The following MED23 variants were observed in gnomAD, a reference collection of about 807,000 sequenced individuals.
MED23 encodes the protein mediator complex subunit 23, also known as mediator of RNA polymerase II transcription subunit 23.
In MED23, 105 loss-of-function variants were observed where a neutral mutation model predicts 163.9. The ratio of observed to expected loss-of-function variants is 0.64; its 90% confidence interval spans 0.55 to 0.75. The LOEUF (loss-of-function observed/expected upper bound fraction) is 0.75. Among genes scored for constraint, MED23 ranks in the 30% least tolerant of loss-of-function variants. The probability of loss-of-function intolerance (pLI) is 0.00; values close to 1 mark genes in which losing one functional copy is unlikely to be tolerated. For missense variants in MED23, 1,054 were observed against 1,649.0 expected, an observed-to-expected ratio of 0.64 and a Z score of 6.25; for synonymous variants, 561 against 565.6, an observed-to-expected ratio of 0.99 and a Z score of 0.12.
At position 131,628,026 on chromosome 6, in the gene MED23, A is replaced by G. The variant is rs775663788; in HGVS notation, c.24T>C (p.Ile8=). 2 of 1,613,948 alleles carry G rather than the reference A, an allele frequency of 1.2e-6. No individual in the cohort carries two copies. The highest frequency in any genetic ancestry group is 1.7e-6 in the Non-Finnish European group (2 of 1,180,010). Reference sequence around the variant, plus strand: ...CTGCACTCACCACCACCTCTTCGAAAATGCTCTGCAGTTGCGTCTCCATCT... The same window carrying G: ...CTGCACTCACCACCACCTCTTCGAAGATGCTCTGCAGTTGCGTCTCCATCT... METQLQS[I]FEEVVKTEVI... Residue 8 remains isoleucine, a synonymous_variant, in exon 1 of 29, where the codon ATT becomes ATC. Transcript: ENST00000368068.
At chr6:131,599,951 A>C in intron 18 of MED23, 87 bp downstream of exon 18, 1 of 1,480,256 alleles carries the variant, frequency 6.8e-7, no homozygotes, top group Non-Finnish European at 9.4e-7. Context: ...TTTTATTCAG[A>C]AGTCACCAAG....
intron 28 of MED23, 29 bp downstream of exon 28, chr6:131,589,436 T>A: frequency 3.1e-6 from 5 of 1,588,312 alleles, no homozygotes; most frequent in Non-Finnish European, 4.3e-6. Context: ...TTAAACATCA[T>A]TAAAAATAAT....
intron 26 of MED23, among the ~76,000 whole-genome samples, chr6:131,590,962 G>A (rs938411770): frequency 6.8e-6 from 1 of 147,660 alleles, no homozygotes; most frequent in African/African-American, 2.5e-5. Context: ...CTGTTAATGA[G>A]ATTAGAACAA....
In MED23 at chr6:131,590,430, T is replaced by C. The variant is rs1330352114; in HGVS notation, c.3699A>G (p.Glu1233=). 3.1e-6 allele frequency: 5 copies of C among 1,604,492 alleles called. No individual in the cohort carries two copies. Among genetic ancestry groups the C allele is most frequent in the Non-Finnish European group, 4.3e-6 (5 of 1,172,056 alleles). The change falls in exon 27 of 29, where the codon GAA becomes GAG. Residue 1233 remains glutamate, a synonymous_variant. Coordinates refer to ENST00000368068, the MANE Select transcript of MED23 (RefSeq NM_004830.4). ...QLSLIPKFLT[E]VLLPIVKTEF... ...CGGTCTTCACTATAGGAAGAAGTAC[T>C]TCAGTAAGAAACCTAAAATTTGAAG...
At position 131,587,886 on chromosome 6, in the gene MED23, G is replaced by A. The variant is rs146985586; in HGVS notation, c.3940-40C>T. On this transcript the variant is annotated intron_variant, in intron 28 of 28. Coordinates refer to ENST00000368068, the MANE Select transcript of MED23 (RefSeq NM_004830.4). ...CACATTAAAACGTACTTTAATCAGA[G>A]AATTTCAACTTCTCACATTTAAAGC... is the stretch of plus-strand genomic sequence containing the variant. 288 of 1,530,326 alleles carry A rather than the reference G, an allele frequency of 1.9e-4. 1 individual carries two copies. In the East Asian group the frequency reaches 6.4e-3, roughly 34 times the overall value. 94.8% of individuals were successfully genotyped at this position (1,530,326 alleles called of 1,614,324 possible).
chr6:131,627,431 C>T lies in MED23; in HGVS notation c.124G>A (p.Gly42Arg), dbSNP rs372152291. The T allele has an allele frequency of 1.8e-4, 290 of 1,613,206 alleles. No individual in the cohort carries two copies. Among genetic ancestry groups the T allele is most frequent in the Non-Finnish European group, 2.4e-4 (286 of 1,179,870 alleles). ...CCACCCCAAAACTGTCTGAAGGCCC[C>T]CAAACAGCTAATTAGTTTTGTTTTC... ...DEKTKLISCL[G>R]AFRQFWGGLS... is the part of the protein sequence containing the mutation. The change falls in exon 3 of 29, where the codon GGG becomes AGG. Residue 42 changes from glycine (G) to arginine (R), a missense_variant. By Grantham distance (125) the Gly-to-Arg change is moderately radical. Coordinates refer to ENST00000368068, the MANE Select transcript of MED23 (RefSeq NM_004830.4).
chr6:131,577,438 T>A (rs1325472550), intron 30 of MED23, among the ~76,000 whole-genome samples: 1 of 152,116 alleles, frequency 6.6e-6, no homozygotes, highest in Non-Finnish European at 1.5e-5. Flanking sequence ...GTACAAGTCT[T>A]TGTGTGGATA....
chr6:131,620,433 G>T (rs1777009993), intron 7 of MED23, among the ~76,000 whole-genome samples, 195 bp downstream of exon 7: 1 of 152,004 alleles, frequency 6.6e-6, no homozygotes, highest in Non-Finnish European at 1.5e-5. Context: ...CTATAGGCAT[G>T]TGCTACTATG....
chr6:131,628,015 A>T lies in MED23; in HGVS notation c.35T>A (p.Val12Glu). Residue 12 changes from valine to glutamate, a missense_variant, in exon 1 of 29, where the codon GTG becomes GAG. Physicochemically the swap from Val to Glu is moderately radical, Grantham distance 121. Transcript: ENST00000368068. ...ETQLQSIFEE[V>E]VKTEVIEEAF... ...ATGGCCGGCAGCTGCACTCACCACCACCTCTTCGAAAATGCTCTGCAGTTG... is the reference window on the plus strand; with the variant it reads ...ATGGCCGGCAGCTGCACTCACCACCTCCTCTTCGAAAATGCTCTGCAGTTG... 1 of 1,613,478 alleles carries T rather than the reference A, an allele frequency of 6.2e-7. No individual in the cohort carries two copies. The highest frequency in any genetic ancestry group is 8.5e-7 in the Non-Finnish European group (1 of 1,179,898).
At chr6:131,621,712 G>A (rs559872463) in intron 6 of MED23, among the ~76,000 whole-genome samples, 169 bp downstream of exon 6, 62 of 152,186 alleles carry the variant, frequency 4.1e-4, no homozygotes, top group African/African-American at 1.4e-3. Flanking sequence ...AATTTAAAAT[G>A]TCCTTTTGAA....
chr6:131,585,830 A>G (rs1333616084), downstream of MED23, among the ~76,000 whole-genome samples: 1 of 152,246 alleles, frequency 6.6e-6, no homozygotes, highest in Non-Finnish European at 1.5e-5. Flanking sequence ...CATATTTAAA[A>G]GCCTATCCAG....
chr6:131,617,331 C>T (rs531796887), intron 9 of MED23, among the ~76,000 whole-genome samples: 19 of 150,778 alleles, frequency 1.3e-4, no homozygotes, highest in African/African-American at 4.6e-4. Context: ...TTTTAAATGT[C>T]CCCTTAGGTG....
At chr6:131,585,091 A>G (rs780624569), downstream of MED23, among the ~76,000 whole-genome samples, 29 of 152,102 alleles carry the variant, frequency 1.9e-4, no homozygotes, top group Non-Finnish European at 3.8e-4. Context: ...TTACTAATTC[A>G]GCTGAGGATG....
chr6:131,599,501 C>T (rs941216601), intron 18 of MED23, among the ~76,000 whole-genome samples: 6 of 152,192 alleles, frequency 3.9e-5, no homozygotes, highest in Admixed American at 1.3e-4. Context: ...TACTTCTCCC[C>T]ATTTCAGTTC....
At chr6:131,622,581 C>T (rs779184760) in intron 5 of MED23, among the ~76,000 whole-genome samples, 25 of 152,100 alleles carry the variant, frequency 1.6e-4, no homozygotes, top group Non-Finnish European at 2.5e-4. Context: ...CGTAACCAAG[C>T]TTGTAAAAGA....
chr6:131,576,852 T>C, intron 30 of MED23: 1 of 901,636 alleles, frequency 1.1e-6, no homozygotes, highest in African/African-American at 1.7e-5. Context: ...GCGGTACTGG[T>C]TACAACCCGA....
chr6:131,588,698 A>G (rs1400624639), intron 28 of MED23, among the ~76,000 whole-genome samples: 1 of 152,066 alleles, frequency 6.6e-6, no homozygotes, highest in African/African-American at 2.4e-5. Flanking sequence ...AGGAGGATGG[A>G]CTTAACTTTC....
chr6:131,577,062 T>A (rs1056027423), intron 30 of MED23, among the ~76,000 whole-genome samples: 1 of 152,130 alleles, frequency 6.6e-6, no homozygotes, highest in Non-Finnish European at 1.5e-5. Flanking sequence ...GCAGGAAGTA[T>A]GCTACTAGCA....
chr6:131,627,370 G>C lies in MED23; in HGVS notation c.159+26C>G, dbSNP rs1777583971. ...AAGAAGAGGCCAAAAATCATCAGCT[G>C]AATGTATTAAAAATGAAGCGCTCAC... is the stretch of plus-strand genomic sequence containing the variant. On this transcript the variant is annotated intron_variant, in intron 3 of 28. Transcript: ENST00000368068. 2.0e-6 allele frequency: 3 copies of C among 1,519,084 alleles called. No homozygotes were observed. The South Asian group carries it at 3.4e-5, about 17-fold the overall frequency. The allele number at this position is 1,519,084 out of a possible 1,614,324, so 94.1% of individuals were successfully genotyped here.
Sources: allele counts gnomAD v4.1 joint callset (sites outside exome capture counted in the v4.1 genomes callset), GRCh38; gene constraint gnomAD v4.1.1; transcripts MANE v1.5; gene names NCBI Gene and HGNC (gene_info 2026-07-23, HGNC 2026-07-21).